The following BAZ1B variants were observed in gnomAD, a reference collection of about 807,000 sequenced individuals.
BAZ1B encodes the protein bromodomain adjacent to zinc finger domain 1B, also known as tyrosine-protein kinase BAZ1B.
A neutral mutation model predicts 153.8 loss-of-function variants in BAZ1B; 22 were observed. The ratio of observed to expected loss-of-function variants is 0.14; its 90% confidence interval spans 0.10 to 0.20. BAZ1B has a LOEUF of 0.20. Among genes scored for constraint, BAZ1B ranks in the 10% least tolerant of loss-of-function variants. BAZ1B has a pLI of 1.00. For missense variants in BAZ1B, 1,325 were observed against 1,799.3 expected, an observed-to-expected ratio of 0.74 and a Z score of 4.77; for synonymous variants, 676 against 633.4, an observed-to-expected ratio of 1.07 and a Z score of -1.01.
At chr7:73,449,494 C>A in intron 15 of BAZ1B, 48 bp downstream of exon 15, 1 of 1,562,950 alleles carries the variant, frequency 6.4e-7, no homozygotes, top group South Asian at 1.2e-5. Flanking sequence ...ATTATAACAG[C>A]TATTCATATT....
chr7:73,486,291 G>GT, intron 6 of BAZ1B, among the ~76,000 whole-genome samples: 1 of 152,016 alleles, frequency 6.6e-6, no homozygotes, highest in Non-Finnish European at 1.5e-5. Context: ...TCTCTCCCAC[G>GT]TAAGCCCTCA....
chr7:73,444,383 C>T (rs1473040987), intron 16 of BAZ1B, among the ~76,000 whole-genome samples: 2 of 152,212 alleles, frequency 1.3e-5, no homozygotes, highest in Admixed American at 6.5e-5. Context: ...TCCTTCAGTA[C>T]TTCTGTCCTG....
chr7:73,500,785 G>A (rs148428805), intron 3 of BAZ1B, among the ~76,000 whole-genome samples: 142 of 151,856 alleles, frequency 9.4e-4, no homozygotes, highest in African/African-American at 3.0e-3. Flanking sequence ...CAGCTATTCA[G>A]GCAGCTGAGG....
intron 12 of BAZ1B, among the ~76,000 whole-genome samples, chr7:73,461,511 G>T (rs556589608): frequency 1.3e-5 from 2 of 152,148 alleles, no homozygotes; most frequent in South Asian, 4.1e-4. Context: ...AAGTAAACAT[G>T]TAACATCTGA....
intron 19 of BAZ1B, 45 bp downstream of exon 19, chr7:73,442,136 T>TTCCCCC: frequency 5.2e-6 from 3 of 573,492 alleles, no homozygotes; most frequent in Non-Finnish European, 9.7e-6. Context: ...CTCGCTCGCC[T>TTCCCCC]CCCTCCCACC....
At chr7:73,516,334 AT>A (rs1273534936) in intron 1 of BAZ1B, among the ~76,000 whole-genome samples, 1 of 151,100 alleles carries the variant, frequency 6.6e-6, no homozygotes, top group African/African-American at 2.4e-5. Flanking sequence ...TTTTCCCACC[AT>A]TTTTTTCTTT....
chr7:73,501,128 T>C (rs1439522048), intron 3 of BAZ1B, among the ~76,000 whole-genome samples: 1 of 151,766 alleles, frequency 6.6e-6, no homozygotes, highest in East Asian at 1.9e-4. Flanking sequence ...TGGTGGCGCA[T>C]GCCTGTAATC....
chr7:73,465,359 A>G (rs906625255), intron 11 of BAZ1B, 80 bp downstream of exon 11: 4 of 948,788 alleles, frequency 4.2e-6, no homozygotes, highest in Admixed American at 2.7e-5. Context: ...ACTTAAATGG[A>G]TAAGAAAAAA....
In BAZ1B at chr7:73,477,334, G is replaced by A; in HGVS notation, c.2127C>T (p.Asp709=). The A allele has an allele frequency of 6.2e-7, 1 of 1,614,216 alleles. No homozygotes were observed. The highest frequency in any genetic ancestry group is 8.5e-7 in the Non-Finnish European group (1 of 1,180,044). Residue 709 remains aspartate (D), a synonymous_variant, in exon 7 of 20, where the codon GAC becomes GAT. Transcript: ENST00000339594. The surrounding 1 kb of genome is among the most constrained non-coding windows in gnomAD (Gnocchi z 5.6). ...CAGCTGAATCTTTATTGTCATCTGTGTCTGAGCCCTCGCTTTCCTCCTGAA... is the reference window on the plus strand; with the variant it reads ...CAGCTGAATCTTTATTGTCATCTGTATCTGAGCCCTCGCTTTCCTCCTGAA... ...SDVQEESEGS[D]TDDNKDSAAF... is the part of the protein sequence containing the mutation.
Position 73,451,071 on chromosome 7 carries a change from T to C in BAZ1B, c.3433-77A>G, listed in dbSNP as rs979088388. 3.3e-6 allele frequency: 5 copies of C among 1,524,566 alleles called. No individual in the cohort carries two copies. In the African/African-American group the frequency reaches 6.9e-5, roughly 21 times the overall value. 94.4% of individuals were successfully genotyped at this position (1,524,566 alleles called of 1,614,324 possible). On this transcript the variant is annotated intron_variant, in intron 13 of 19. Coordinates refer to ENST00000339594, the MANE Select transcript of BAZ1B (RefSeq NM_032408.4). ...AGAGAGAACTAGGAACAGGGGACAG[T>C]ATGAGAGAATTCTGAGGACACTTGC...
Position 73,477,945 on chromosome 7 carries a change from G to C in BAZ1B, c.1516C>G (p.Leu506Val). ...AGACGAGCTCTATCTTCACTAGAGA[G>C]AAGACGAGCTGTTTTGGAGATAACA... ...SCVISKTARLLSSEDRARLPE... is the reference protein window; with the variant it reads ...SCVISKTARLVSSEDRARLPE... Residue 506 changes from leucine (L) to valine (V), a missense_variant, in exon 7 of 20, where the codon CTC (leucine) becomes GTC (valine). Transcript: ENST00000339594. The surrounding 1 kb of genome is among the most constrained non-coding windows in gnomAD (Gnocchi z 5.6). The C allele has an allele frequency of 6.2e-7, 1 of 1,614,204 alleles. No homozygotes were observed. The highest frequency in any genetic ancestry group is 8.5e-7 in the Non-Finnish European group (1 of 1,180,044).
intron 5 of BAZ1B, among the ~76,000 whole-genome samples, chr7:73,491,689 C>A (rs782760028): frequency 6.6e-6 from 1 of 152,170 alleles, no homozygotes. Context: ...AGAATGGAAT[C>A]GGACTTGTCA....
intron 6 of BAZ1B, among the ~76,000 whole-genome samples, chr7:73,487,915 A>G (rs1011099408): frequency 2.7e-4 from 41 of 152,244 alleles, no homozygotes; most frequent in African/African-American, 9.4e-4. Context: ...GAATAAGAAA[A>G]TCTGCTAAGT....
chr7:73,458,425 T>A (rs1325267821), intron 13 of BAZ1B, among the ~76,000 whole-genome samples: 6 of 152,072 alleles, frequency 3.9e-5, no homozygotes, highest in African/African-American at 1.4e-4. Context: ...CCTGTAATCC[T>A]AGTACTTTGG....
chr7:73,490,786 G>A (rs1789607002), intron 5 of BAZ1B, among the ~76,000 whole-genome samples: 1 of 151,334 alleles, frequency 6.6e-6, no homozygotes, highest in African/African-American at 2.4e-5. Flanking sequence ...TGTATTTTTA[G>A]TAGAGATGGG....
intron 1 of BAZ1B, among the ~76,000 whole-genome samples, chr7:73,520,432 T>C (rs1451265555): frequency 1.3e-5 from 2 of 152,174 alleles, no homozygotes; most frequent in African/African-American, 4.8e-5. Context: ...CTTCTTCTGT[T>C]GATTGACTTA....
intron 7 of BAZ1B, among the ~76,000 whole-genome samples, chr7:73,474,524 C>T (rs1306424240): frequency 6.6e-6 from 1 of 152,204 alleles, no homozygotes; most frequent in Non-Finnish European, 1.5e-5. Context: ...GCTGTAATCC[C>T]AGCACTCTGG....
chr7:73,489,593 T>C (rs907221538), intron 5 of BAZ1B, among the ~76,000 whole-genome samples: 21 of 152,282 alleles, frequency 1.4e-4, no homozygotes, highest in Non-Finnish European at 2.6e-4. Context: ...GGTATAAAGA[T>C]TGTTTGAGGC....
intron 1 of BAZ1B, among the ~76,000 whole-genome samples, chr7:73,514,998 G>A (rs187597180): frequency 5.0e-4 from 76 of 152,226 alleles, no homozygotes; most frequent in Non-Finnish European, 9.3e-4. Context: ...CTTGAATGAG[G>A]AAGGCGGAGG....
Sources: gnomAD v4.1 joint callset for allele counts (sites outside exome capture counted in the v4.1 genomes callset) on GRCh38, gnomAD v4.1.1 for gene constraint, Gnocchi (gnomAD v3.1) non-coding constraint, MANE v1.5 for transcripts, NCBI Gene and HGNC (gene_info 2026-07-23, HGNC 2026-07-21) for gene names.